Variants in IDH3B observed in about 807,000 individuals in gnomAD.
The protein encoded by IDH3B is isocitrate dehydrogenase [NAD] subunit beta, mitochondrial.
Under a neutral mutation model 47.5 loss-of-function variants are expected in IDH3B, and 40 were observed. That is an observed-to-expected ratio of 0.84 (90% CI 0.65 to 1.10). IDH3B has a LOEUF of 1.10. Among genes scored for constraint, IDH3B ranks in the 50% least tolerant of loss-of-function variants. IDH3B has a pLI of 0.00. For missense variants in IDH3B, 450 were observed against 505.2 expected (o/e 0.89, Z 1.05); for synonymous variants, 185 against 191.0 (o/e 0.97, Z 0.26).
Position 2,664,025 on chromosome 20 carries a change from G to A in IDH3B, c.37-20C>T, listed in dbSNP as rs557069836. 7 of 1,613,778 alleles carry A rather than the reference G, an allele frequency of 4.3e-6. No individual in the cohort carries two copies. Among genetic ancestry groups the A allele is most frequent in the East Asian group, 4.5e-5 (2 of 44,884 alleles). On this transcript the variant is annotated intron_variant, in intron 1 of 11. Coordinates refer to ENST00000380843, the MANE Select transcript of IDH3B (RefSeq NM_006899.5). ...CAGCGCCTGCAACAGGGACACACAAGCCTGTAAGGTCAGCTTTGAGACATC... is the reference window on the plus strand; with the variant it reads ...CAGCGCCTGCAACAGGGACACACAAACCTGTAAGGTCAGCTTTGAGACATC...
At chr20:2,659,664 C>T in intron 10 of IDH3B, 35 bp downstream of exon 10, 2 of 1,609,632 alleles carry the variant, frequency 1.2e-6, no homozygotes, top group South Asian at 1.1e-5. Flanking sequence ...CTCCTCACGA[C>T]ACCCAACCTC....
chr20:2,660,499 T>G lies in IDH3B; in HGVS notation c.623A>C (p.Lys208Thr). ...AKFAFDYATK[K>T]GRGKVTAVHK... Reference sequence around the variant, plus strand: ...GACAGCAGTGACCTTGCCCCGCCCCTTCTTGGTGGCATAGTCAAAGGCGAA... The same window carrying G: ...GACAGCAGTGACCTTGCCCCGCCCCGTCTTGGTGGCATAGTCAAAGGCGAA... The change falls in exon 7 of 12, where the codon AAG becomes ACG. Residue 208 changes from lysine (K) to threonine (T), a missense_variant. Transcript: ENST00000380843. This position sits in a 1 kb window ranked among gnomAD's most constrained non-coding sequence, Gnocchi z 5.6. 6.2e-7 allele frequency: 1 copy of G among 1,613,976 alleles called. No individual in the cohort carries two copies. The highest frequency in any genetic ancestry group is 1.1e-5 in the South Asian group (1 of 91,056).
At position 2,659,801 on chromosome 20, in the gene IDH3B, G is replaced by A. The variant is rs1412842843; in HGVS notation, c.916-8C>T. ...AAATGGGTGCCGGGCACCCTGTGGA[G>A]AGAGGGGCAGGCTAGACACTGGGAG... On this transcript the variant is annotated splice_polypyrimidine_tract_variant and splice_region_variant and intron_variant, in intron 9 of 11. Transcript: ENST00000380843. The A allele has an allele frequency of 3.1e-6, 5 of 1,605,384 alleles. No individual in the cohort carries two copies. Among genetic ancestry groups the A allele is most frequent in the East Asian group, 2.2e-5 (1 of 44,864 alleles).
Position 2,660,334 on chromosome 20 carries a change from A to C in IDH3B, c.697T>G (p.Cys233Gly). Reference sequence around the variant, plus strand: ...GGGTACAGTTCAGCAACTTCCTCACAGCACTGCAGGAACAACCCATCCCCA... The same window carrying C: ...GGGTACAGTTCAGCAACTTCCTCACCGCACTGCAGGAACAACCCATCCCCA... ...KLGDGLFLQC[C>G]EEVAELYPKI... Residue 233 changes from cysteine (C) to glycine (G), a missense_variant, in exon 8 of 12, where the codon TGT becomes GGT. By Grantham distance (159) the Cys-to-Gly change is radical (BLOSUM62 -3). Coordinates refer to ENST00000380843, the MANE Select transcript of IDH3B (RefSeq NM_006899.5). This position sits in a 1 kb window ranked among gnomAD's most constrained non-coding sequence, Gnocchi z 5.6. The C allele has an allele frequency of 1.2e-6, 2 of 1,614,172 alleles. No homozygotes were observed. The highest frequency in any genetic ancestry group is 1.7e-6 in the Non-Finnish European group (2 of 1,180,034).
chr20:2,659,568 C>T lies in IDH3B; in HGVS notation c.1028G>A (p.Ser343Asn), dbSNP rs2086898537. ...LRHLNLEYHS[S>N]MIADAVKKVI... ...CTTCTTCACCGCATCTGCGATCATG[C>T]TGGAGTGATACTCAAGACTGTGGAT... The change falls in exon 11 of 12, where the codon AGC (serine) becomes AAC (asparagine). Residue 343 changes from serine to asparagine, a missense_variant. Transcript: ENST00000380843. 1.2e-6 allele frequency: 2 copies of T among 1,614,252 alleles called. No individual in the cohort carries two copies. The highest frequency in any genetic ancestry group is 1.7e-6 in the Non-Finnish European group (2 of 1,180,032).
Position 2,660,481 on chromosome 20 carries a change from G to A in IDH3B, c.641C>T (p.Thr214Ile), listed in dbSNP as rs1568548579. The change falls in exon 7 of 12, where the codon ACT becomes ATT. Residue 214 changes from threonine to isoleucine, a missense_variant. Thr to Ile is a moderately conservative substitution (Grantham distance 89, BLOSUM62 -1). Transcript: ENST00000380843. This position sits in a 1 kb window ranked among gnomAD's most constrained non-coding sequence, Gnocchi z 5.6. ...CATGATGTTGGCCTTGTGGACAGCA[G>A]TGACCTTGCCCCGCCCCTTCTTGGT... ...YATKKGRGKV[T>I]AVHKANIMKL... The A allele has an allele frequency of 3.1e-6, 5 of 1,613,974 alleles. No homozygotes were observed. The highest frequency in any genetic ancestry group is 4.2e-6 in the Non-Finnish European group (5 of 1,179,994).
chr20:2,660,063 C>G lies in IDH3B; in HGVS notation c.882G>C (p.Glu294Asp). Residue 294 changes from glutamate (E) to aspartate (D), a missense_variant, in exon 9 of 12, where the codon GAG becomes GAC. Physicochemically the swap from Glu to Asp is conservative, Grantham distance 45. Coordinates refer to ENST00000380843, the MANE Select transcript of IDH3B (RefSeq NM_006899.5). The surrounding 1 kb of genome is among the most constrained non-coding windows in gnomAD (Gnocchi z 5.6). ...LVGGAGVVPG[E>D]SYSAEYAVFE... The stretch of plus-strand genomic sequence containing the variant: ...AGACTGCGTATTCTGCACTATAGCT[C>G]TCACCAGGGACCACACCAGCTCCCC... 2 of 1,614,144 alleles carry G rather than the reference C, an allele frequency of 1.2e-6. No homozygotes were observed. The highest frequency in any genetic ancestry group is 1.7e-6 in the Non-Finnish European group (2 of 1,180,026).
chr20:2,664,083 G>A (rs1422143234), intron 1 of IDH3B, 70 bp downstream of exon 1: 1 of 1,608,606 alleles, frequency 6.2e-7, no homozygotes, highest in African/African-American at 1.3e-5. Context: ...ACTTTGCCCT[G>A]TTTAGGAAAC....
At chr20:2,663,847 G>A in intron 2 of IDH3B, 78 bp downstream of exon 2, 5 of 1,593,220 alleles carry the variant, frequency 3.1e-6, no homozygotes, top group Admixed American at 3.3e-5. Context: ...ACCCGGGAGG[G>A]GTGGGGAAAA....
chr20:2,663,936 A>G lies in IDH3B; in HGVS notation c.106T>C (p.Ser36Pro), dbSNP rs1219089204. The change falls in exon 2 of 12, where the codon TCG becomes CCG. Residue 36 changes from serine to proline, a missense_variant. Physicochemically the swap from Ser to Pro is moderately conservative, Grantham distance 74. Coordinates refer to ENST00000380843, the MANE Select transcript of IDH3B (RefSeq NM_006899.5). ...LSTSAAAHAA[S>P]RSQAEDVRVE... ...AGATTCGTGCATACCTGGCTCCGCG[A>G]TGCAGCGTGCGCCGCGGCCGAGGTA... is the stretch of plus-strand genomic sequence containing the variant. 3.1e-6 allele frequency: 5 copies of G among 1,613,978 alleles called. No homozygotes were observed. Among genetic ancestry groups the G allele is most frequent in the East Asian group, 2.2e-5 (1 of 44,896 alleles).
chr20:2,663,366 T>C (rs1022726288), intron 4 of IDH3B, 80 bp downstream of exon 4: 8 of 1,504,558 alleles, frequency 5.3e-6, no homozygotes, highest in Non-Finnish European at 5.5e-6. Context: ...TTGCATAGCA[T>C]GTGGGGAGAA....
In IDH3B at chr20:2,658,679, C is replaced by G. The variant is rs1229483598; in HGVS notation, c.*72G>C. On this transcript the variant is annotated 3_prime_UTR_variant, in exon 12 of 12. Coordinates refer to ENST00000380843, the MANE Select transcript of IDH3B (RefSeq NM_006899.5). ...GGTCCACTGCTTAGAGGCACAAGGTCTCTTCCCTGGTACACTGCACTGAAG... is the reference window on the plus strand; with the variant it reads ...GGTCCACTGCTTAGAGGCACAAGGTGTCTTCCCTGGTACACTGCACTGAAG... The G allele has an allele frequency of 6.2e-7, 1 of 1,613,950 alleles. No individual in the cohort carries two copies. The highest frequency in any genetic ancestry group is 8.5e-7 in the Non-Finnish European group (1 of 1,179,974).
chr20:2,662,736 C>CCT (rs2086970043), intron 4 of IDH3B, among the ~76,000 whole-genome samples: 1 of 151,944 alleles, frequency 6.6e-6, no homozygotes, highest in Non-Finnish European at 1.5e-5. Context: ...GGGCAGATCA[C>CCT]AAGGTCAGGA....
Position 2,662,499 on chromosome 20 carries a change from T to A in IDH3B, c.337+947A>T, listed in dbSNP as rs1447422894. Among the ~76,000 whole-genome samples the A allele has an allele frequency of 5.3e-5, 8 of 151,782 alleles. No homozygotes were observed. In the East Asian group the frequency reaches 1.5e-3, roughly 29 times the overall value. ...AGAACTAGAAGCCAAAAAAATCAAATGAGGAGATTAAAGCGCGGAAGACAA... is the reference window on the plus strand; with the variant it reads ...AGAACTAGAAGCCAAAAAAATCAAAAGAGGAGATTAAAGCGCGGAAGACAA... On this transcript the variant is annotated intron_variant, in intron 4 of 11. Coordinates refer to ENST00000380843, the MANE Select transcript of IDH3B (RefSeq NM_006899.5).
rs1298818194 is a variant in IDH3B at position 2,659,737 on chromosome 20, G to A, written c.972C>T (p.Ala324=). 22 of 1,614,060 alleles carry A rather than the reference G, an allele frequency of 1.4e-5. No individual in the cohort carries two copies. The highest frequency in any genetic ancestry group is 1.9e-5 in the Non-Finnish European group (22 of 1,180,020). The change falls in exon 10 of 12, where the codon GCC becomes GCT. Residue 324 remains alanine, a synonymous_variant. Transcript: ENST00000380843. ...GCATGTTGGAAGCCGACAGCAGCATGGCCGTGGGATTGGCTATATTCCTGC... is the reference window on the plus strand; with the variant it reads ...GCATGTTGGAAGCCGACAGCAGCATAGCCGTGGGATTGGCTATATTCCTGC... The part of the protein sequence containing the change: ...AVGRNIANPT[A]MLLSASNMLR...
chr20:2,662,050 G>T (rs1481659779), intron 4 of IDH3B, among the ~76,000 whole-genome samples: 1 of 152,160 alleles, frequency 6.6e-6, no homozygotes, highest in Non-Finnish European at 1.5e-5. Context: ...GCCACCAGAA[G>T]AGGCAAGAAA....
chr20:2,659,428 A>G, intron 11 of IDH3B, 97 bp downstream of exon 11: 2 of 1,514,872 alleles, frequency 1.3e-6, no homozygotes, highest in Non-Finnish European at 1.8e-6. Flanking sequence ...CTGGGGGGAA[A>G]GGAGACCCCC....
chr20:2,659,285 G>GC, intron 11 of IDH3B: 2 of 1,468,842 alleles, frequency 1.4e-6, no homozygotes, highest in South Asian at 2.8e-5. Flanking sequence ...AGTGGATGGA[G>GC]CAGGAAAGAG....
In IDH3B at chr20:2,661,109, T is replaced by C. The variant is rs572114308; in HGVS notation, c.338-140A>G. 4.3e-4 allele frequency: 321 copies of C among 751,976 alleles called. 2 individuals are homozygous for C. The highest frequency in any genetic ancestry group is 3.9e-3 in the South Asian group (267 of 69,070). The allele number at this position is 751,976 out of a possible 1,614,324, so 46.6% of individuals were successfully genotyped here. ...CCCACATCAGTAAACTTTTAAATTG[T>C]CTCTGGGGGCAAGGGACAAAAGAGA... is the stretch of plus-strand genomic sequence containing the variant. On this transcript the variant is annotated intron_variant, in intron 4 of 11. Coordinates refer to ENST00000380843, the MANE Select transcript of IDH3B (RefSeq NM_006899.5).
Sources: allele counts gnomAD v4.1 joint callset (sites outside exome capture counted in the v4.1 genomes callset), GRCh38; gene constraint gnomAD v4.1.1; non-coding constraint Gnocchi (gnomAD v3.1); transcripts MANE v1.5; gene names NCBI Gene and HGNC (gene_info 2026-07-23, HGNC 2026-07-21).